Variants in KIAA1958 observed in about 807,000 individuals in gnomAD.
The protein encoded by KIAA1958 is uncharacterized protein KIAA1958.
KIAA1958 carries 14 observed loss-of-function variants against 47.2 expected under a neutral mutation model. The ratio of observed to expected loss-of-function variants is 0.30; its 90% confidence interval spans 0.20 to 0.46. The LOEUF (loss-of-function observed/expected upper bound fraction) is 0.46. KIAA1958 is among the 20% of genes least tolerant of loss of function. The probability of loss-of-function intolerance (pLI) is 1.00; values close to 1 mark genes in which losing one functional copy is unlikely to be tolerated. For missense variants in KIAA1958, 803 were observed against 909.2 expected (o/e 0.88, Z 1.50); for synonymous variants, 354 against 353.3 (o/e 1.00, Z -0.02).
chr9:112,518,371 ATC>A (rs1407493934), intron 1 of KIAA1958, among the ~76,000 whole-genome samples: 1 of 152,230 alleles, frequency 6.6e-6, no homozygotes, highest in Admixed American at 6.5e-5. Context: ...ACAAGGGCAT[ATC>A]TCTCAGCAAT....
At chr9:112,497,468 C>T (rs2132761129) in intron 1 of KIAA1958, among the ~76,000 whole-genome samples, 1 of 152,216 alleles carries the variant, frequency 6.6e-6, no homozygotes, top group South Asian at 2.1e-4. Flanking sequence ...CGAAAGAAAC[C>T]AAGCCTGCCA....
intron 2 of KIAA1958, among the ~76,000 whole-genome samples, chr9:112,620,942 A>G (rs1443705193): frequency 6.6e-6 from 1 of 152,186 alleles, no homozygotes; most frequent in Admixed American, 6.5e-5. Context: ...TTATTTCTAT[A>G]TATATTAATA....
chr9:112,576,882 G>A (rs1433903293), intron 2 of KIAA1958, among the ~76,000 whole-genome samples: 1 of 152,100 alleles, frequency 6.6e-6, no homozygotes, highest in Non-Finnish European at 1.5e-5. Flanking sequence ...GCTGGGTCCT[G>A]TGGTAACTTT....
chr9:112,520,177 A>C (rs1414400388), intron 1 of KIAA1958, among the ~76,000 whole-genome samples: 1 of 152,222 alleles, frequency 6.6e-6, no homozygotes, highest in African/African-American at 2.4e-5. Flanking sequence ...CTTAAGATGG[A>C]AAATAGAAAA....
At chr9:112,646,684 C>T (rs786993) in intron 3 of KIAA1958, among the ~76,000 whole-genome samples, 88,865 of 151,940 alleles carry the variant, frequency 0.58, 26,637 homozygotes, top group Non-Finnish European at 0.65. Flanking sequence ...CTACAGTGTG[C>T]TACAGCCATG....
intron 1 of KIAA1958, among the ~76,000 whole-genome samples, chr9:112,545,825 G>GTGTGTT (rs60211721): frequency 3.0e-4 from 28 of 93,040 alleles, no homozygotes; most frequent in African/African-American, 6.2e-4. Context: ...AGGTTTCTTT[G>GTGTGTT]TTTTTTTTTT....
At chr9:112,656,739 T>C (rs1837158466) in intron 3 of KIAA1958, among the ~76,000 whole-genome samples, 1 of 152,196 alleles carries the variant, frequency 6.6e-6, no homozygotes, top group Admixed American at 6.5e-5. Flanking sequence ...ATATACATCT[T>C]TGACAATCAT....
chr9:112,563,255 T>C (rs1835369443), intron 1 of KIAA1958, among the ~76,000 whole-genome samples: 1 of 152,118 alleles, frequency 6.6e-6, no homozygotes, highest in Non-Finnish European at 1.5e-5. Flanking sequence ...GTCTGAAGTC[T>C]TTAACGTGAC....
At chr9:112,592,773 C>G (rs181995827) in intron 2 of KIAA1958, among the ~76,000 whole-genome samples, 91 of 152,220 alleles carry the variant, frequency 6.0e-4, no homozygotes, top group Middle Eastern at 3.4e-3. Context: ...TCCCTTTTGG[C>G]GACAAGTAAT....
intron 1 of KIAA1958, among the ~76,000 whole-genome samples, chr9:112,552,760 C>T (rs1314540846): frequency 1.3e-5 from 2 of 152,218 alleles, no homozygotes; most frequent in South Asian, 2.1e-4. Context: ...GCTCAGGAAG[C>T]GAGAGGGAGG....
At chr9:112,537,548 A>G (rs1326474957) in intron 1 of KIAA1958, among the ~76,000 whole-genome samples, 1 of 152,258 alleles carries the variant, frequency 6.6e-6, no homozygotes, top group Non-Finnish European at 1.5e-5. Context: ...GATGCTTAAC[A>G]TCATTAGTCA....
chr9:112,508,011 T>G (rs1044541036), intron 1 of KIAA1958, among the ~76,000 whole-genome samples: 1 of 152,150 alleles, frequency 6.6e-6, no homozygotes, highest in Non-Finnish European at 1.5e-5. Context: ...CCTTTCTTAT[T>G]AAATACATAT....
intron 1 of KIAA1958, among the ~76,000 whole-genome samples, chr9:112,501,983 A>G (rs986279028): frequency 6.6e-6 from 1 of 152,236 alleles, no homozygotes; most frequent in African/African-American, 2.4e-5. Flanking sequence ...TAGAAGAGAA[A>G]TGTTCAGCCT....
intron 1 of KIAA1958, among the ~76,000 whole-genome samples, chr9:112,525,492 A>G (rs1432325403): frequency 6.6e-6 from 1 of 152,236 alleles, no homozygotes; most frequent in African/African-American, 2.4e-5. Flanking sequence ...GTTCCCAGTA[A>G]TGGGGAAGTA....
intron 2 of KIAA1958, among the ~76,000 whole-genome samples, chr9:112,636,520 C>A (rs1836806805): frequency 6.6e-6 from 1 of 151,980 alleles, no homozygotes; most frequent in African/African-American, 2.4e-5. Flanking sequence ...CTCTTTAATT[C>A]TTTTAATTTT....
At chr9:112,563,389 A>T (rs572639765) in intron 1 of KIAA1958, among the ~76,000 whole-genome samples, 2 of 152,266 alleles carry the variant, frequency 1.3e-5, no homozygotes, top group South Asian at 4.1e-4. Flanking sequence ...TATTTAGGTC[A>T]TGTTTAATTT....
chr9:112,595,242 G>C (rs1366966848), intron 2 of KIAA1958, among the ~76,000 whole-genome samples: 4 of 152,212 alleles, frequency 2.6e-5, no homozygotes, highest in African/African-American at 9.6e-5. Context: ...ATAATGAAGT[G>C]ACGAAGCTAT....
rs1487832622 is a variant in KIAA1958 at position 112,663,022 on chromosome 9, C to T, written c.*2953C>T. Reference sequence around the variant, plus strand: ...GAGAAAGAAGTGGGGAGGTAAAGAGCGTTTTCTCCACTTACCTTTGGGTTT... The same window carrying T: ...GAGAAAGAAGTGGGGAGGTAAAGAGTGTTTTCTCCACTTACCTTTGGGTTT... On this transcript the variant is annotated 3_prime_UTR_variant, in exon 4 of 4. Transcript: ENST00000337530. The T allele has an allele frequency of 1.3e-5, 2 of 152,056 alleles. No individual in the cohort carries two copies. The highest frequency in any genetic ancestry group is 2.4e-5 in the African/African-American group (1 of 41,408). The allele number at this position is 152,056 out of a possible 1,614,324, so 9.4% of individuals were successfully genotyped here.
At chr9:112,655,437 G>C (rs1374646036) in intron 3 of KIAA1958, among the ~76,000 whole-genome samples, 1 of 152,102 alleles carries the variant, frequency 6.6e-6, no homozygotes, top group African/African-American at 2.4e-5. Flanking sequence ...AAAAGAGATT[G>C]AATCATTTTT....
Sources: gnomAD v4.1 joint callset for allele counts (sites outside exome capture counted in the v4.1 genomes callset) on GRCh38, gnomAD v4.1.1 for gene constraint, MANE v1.5 for transcripts, NCBI Gene and HGNC (gene_info 2026-07-23, HGNC 2026-07-21) for gene names.